Variants in CSMD2 observed in about 807,000 individuals in gnomAD.
The protein encoded by CSMD2 is CUB and Sushi multiple domains 2, also known as CUB and sushi domain-containing protein 2.
Under a neutral mutation model 398.5 loss-of-function variants are expected in CSMD2, and 130 were observed. That is an observed-to-expected ratio of 0.33 (90% CI 0.28 to 0.38). The LOEUF (loss-of-function observed/expected upper bound fraction) is 0.38, where lower values mean the gene tolerates loss of function less well. Ranked by LOEUF, CSMD2 falls within the 10% of genes least tolerant of loss-of-function variation. CSMD2 has a pLI of 1.00. For synonymous variants in CSMD2, 1,828 were observed against 1,908.5 expected (o/e 0.96, Z 1.10); for missense variants, 3,829 against 4,764.9 (o/e 0.80, Z 5.78).
At chr1:34,016,902 A>C (rs1648202392) in intron 3 of CSMD2, among the ~76,000 whole-genome samples, 1 of 152,170 alleles carries the variant, frequency 6.6e-6, no homozygotes, top group Non-Finnish European at 1.5e-5. Context: ...TGCAACCCTC[A>C]GGGCTATATT....
intron 22 of CSMD2, among the ~76,000 whole-genome samples, chr1:33,707,689 G>GCACA (rs1435269523): frequency 1.0e-4 from 13 of 126,398 alleles, no homozygotes; most frequent in East Asian, 4.7e-4. Flanking sequence ...GCACACGCGC[G>GCACA]CGCGCGCACA....
Position 33,825,154 on chromosome 1 carries a change from C to CT in CSMD2, c.1111+542_1111+543insA, listed in dbSNP as rs55752090. Among the ~76,000 whole-genome samples the CT allele has an allele frequency of 8.6e-3, 155 of 18,062 alleles. 1 individual carries two copies. In the African/African-American group the frequency reaches 0.13, roughly 15 times the overall value. The allele number at this position is 18,062 out of a possible 152,430, so 11.8% of individuals were successfully genotyped here. A position where few individuals can be genotyped will look rare whatever the true frequency, so the allele number is the denominator to read the frequency against. On this transcript the variant is annotated intron_variant, in intron 7 of 70. Coordinates refer to ENST00000373381, the MANE Select transcript of CSMD2 (RefSeq NM_001281956.2). Reference sequence around the variant, plus strand: ...ATCCTCCCCATGCCCAAGAAGAGAGCCCCCAGTGCCTCCCCATTGACCCGA... The same window carrying CT: ...ATCCTCCCCATGCCCAAGAAGAGAGCTCCCCAGTGCCTCCCCATTGACCCGA...
intron 39 of CSMD2, among the ~76,000 whole-genome samples, chr1:33,615,195 GCTGT>G (rs1366092556): frequency 6.6e-6 from 1 of 152,328 alleles, no homozygotes; most frequent in East Asian, 1.9e-4. Context: ...CAACCACCAG[GCTGT>G]CTGAGTGACC....
At chr1:33,586,825 A>G (rs1298010784) in intron 45 of CSMD2, among the ~76,000 whole-genome samples, 2 of 152,168 alleles carry the variant, frequency 1.3e-5, no homozygotes, top group Admixed American at 6.5e-5. Flanking sequence ...ATTCCAGGAC[A>G]TTTTATACTG....
intron 5 of CSMD2, among the ~76,000 whole-genome samples, chr1:33,874,583 G>T (rs1204340939): frequency 6.6e-6 from 1 of 152,194 alleles, no homozygotes; most frequent in Non-Finnish European, 1.5e-5. Flanking sequence ...CATCCACTTT[G>T]TGCTTGACTG....
intron 53 of CSMD2, among the ~76,000 whole-genome samples, chr1:33,565,791 G>T (rs1375800585): frequency 3.9e-5 from 6 of 152,020 alleles, no homozygotes; most frequent in Non-Finnish European, 8.8e-5. Context: ...AAACCACCAT[G>T]AAAATCAGAA....
At chr1:33,801,911 G>T (rs1301794631) in intron 10 of CSMD2, among the ~76,000 whole-genome samples, 3 of 152,182 alleles carry the variant, frequency 2.0e-5, no homozygotes, top group Non-Finnish European at 2.9e-5. Context: ...TGTGTGCTTT[G>T]CTGGAAGAAG....
intron 2 of CSMD2, among the ~76,000 whole-genome samples, chr1:34,070,931 CT>C: frequency 6.6e-6 from 1 of 152,232 alleles, no homozygotes; most frequent in East Asian, 1.9e-4. Context: ...AGCTGTGGAA[CT>C]TTGGAGGAGG....
intron 44 of CSMD2, among the ~76,000 whole-genome samples, chr1:33,597,674 G>T (rs1003862459): frequency 6.6e-6 from 1 of 152,186 alleles, no homozygotes; most frequent in Non-Finnish European, 1.5e-5. Context: ...GGTTATAACT[G>T]CTTCTAAGAT....
At chr1:33,682,709 A>G (rs1420359628) in intron 25 of CSMD2, among the ~76,000 whole-genome samples, 1 of 152,090 alleles carries the variant, frequency 6.6e-6, no homozygotes, top group Non-Finnish European at 1.5e-5. Flanking sequence ...GGGATTTTTT[A>G]TAATTCATCC....
chr1:34,002,745 C>A (rs1646939850), intron 3 of CSMD2, among the ~76,000 whole-genome samples: 1 of 152,074 alleles, frequency 6.6e-6, no homozygotes, highest in Admixed American at 6.5e-5. Context: ...AAGGCCTAAG[C>A]CCACACATGG....
At chr1:33,563,283 T>C (rs1057254509) in intron 53 of CSMD2, among the ~76,000 whole-genome samples, 1 of 151,986 alleles carries the variant, frequency 6.6e-6, no homozygotes, top group African/African-American at 2.4e-5. Flanking sequence ...CATGGTAACA[T>C]AGGAGAGGAT....
intron 44 of CSMD2, among the ~76,000 whole-genome samples, chr1:33,590,981 C>CTTTTTTT (rs11374822): frequency 1.1e-3 from 77 of 67,154 alleles, no homozygotes; most frequent in East Asian, 2.7e-3. Flanking sequence ...TTTTATTTAT[C>CTTTTTTT]TTTTTTTTTT....
intron 2 of CSMD2, among the ~76,000 whole-genome samples, chr1:34,067,465 G>A (rs748416999): frequency 2.0e-5 from 3 of 152,250 alleles, no homozygotes; most frequent in South Asian, 4.1e-4. Flanking sequence ...ATGGGCCAAC[G>A]GCTTGTACAT....
chr1:33,880,136 CTAATT>C (rs1450356588), intron 5 of CSMD2, among the ~76,000 whole-genome samples: 1 of 152,108 alleles, frequency 6.6e-6, no homozygotes, highest in Admixed American at 6.5e-5. Flanking sequence ...GATGATTTAT[CTAATT>C]TAATGTCATT....
chr1:33,810,674 C>G, intron 10 of CSMD2, 69 bp downstream of exon 10: 1 of 1,526,618 alleles, frequency 6.6e-7, no homozygotes, highest in Non-Finnish European at 8.9e-7. Flanking sequence ...GTTTGAAAAA[C>G]CTTGTAGGCC....
chr1:33,907,362 C>T (rs887375055), intron 5 of CSMD2, among the ~76,000 whole-genome samples: 3 of 151,664 alleles, frequency 2.0e-5, no homozygotes, highest in South Asian at 2.1e-4. Flanking sequence ...CTCCTGACCT[C>T]GTGATCCGCC....
chr1:33,564,923 C>A (rs2148672127), intron 53 of CSMD2, among the ~76,000 whole-genome samples: 1 of 152,334 alleles, frequency 6.6e-6, no homozygotes, highest in African/African-American at 2.4e-5. Context: ...ATCCAAATTA[C>A]TTCCAGGCAG....
intron 44 of CSMD2, among the ~76,000 whole-genome samples, chr1:33,593,327 A>G (rs1570865081): frequency 6.6e-6 from 1 of 152,358 alleles, no homozygotes; most frequent in East Asian, 1.9e-4. Context: ...AATGTTATTT[A>G]GGTTAATCTA....
Sources: gnomAD v4.1 joint callset for allele counts (sites outside exome capture counted in the v4.1 genomes callset) on GRCh38, gnomAD v4.1.1 for gene constraint, MANE v1.5 for transcripts, NCBI Gene and HGNC (gene_info 2026-07-23, HGNC 2026-07-21) for gene names.